RELN: variants seen among roughly 807,000 people sequenced by gnomAD.
RELN encodes the protein reelin.
Under a neutral mutation model 427.6 loss-of-function variants are expected in RELN, and 108 were observed. That is an observed-to-expected ratio of 0.25 (90% CI 0.22 to 0.30). The LOEUF (loss-of-function observed/expected upper bound fraction) is 0.30. Ranked by LOEUF, RELN falls within the 10% of genes least tolerant of loss-of-function variation. The pLI is 1.00. For missense variants in RELN, 3,715 were observed against 4,302.8 expected, an observed-to-expected ratio of 0.86 and a Z score of 3.82; for synonymous variants, 1,524 against 1,513.4, an observed-to-expected ratio of 1.01 and a Z score of -0.16.
At position 103,525,853 on chromosome 7, in the gene RELN, C is replaced by T. The variant is rs577858910; in HGVS notation, c.7350-2322G>A. On this transcript the variant is annotated intron_variant, in intron 46 of 64. Transcript: ENST00000428762. Reference sequence around the variant, plus strand: ...CTTACACATACTTCACCAAAGCCCTCGTCACCTTGTATTAAAAGTGCCTAT... The same window carrying T: ...CTTACACATACTTCACCAAAGCCCTTGTCACCTTGTATTAAAAGTGCCTAT... Among the ~76,000 whole-genome samples the T allele has an allele frequency of 7.2e-5, 11 of 152,264 alleles. No homozygotes were observed. The East Asian group carries it at 1.2e-3, about 16-fold the overall frequency.
chr7:103,874,802 A>G (rs1463571712), intron 2 of RELN, among the ~76,000 whole-genome samples: 5 of 150,138 alleles, frequency 3.3e-5, no homozygotes, highest in Non-Finnish European at 5.9e-5. Context: ...TTACAGATTC[A>G]ATGCCATCCC....
At chr7:103,741,643 G>A (rs1013518739) in intron 6 of RELN, among the ~76,000 whole-genome samples, 2 of 120,908 alleles carry the variant, frequency 1.7e-5, no homozygotes, top group Non-Finnish European at 3.6e-5. Context: ...AACGGGAGAG[G>A]AAGAGATGAA....
At chr7:103,494,541 ATTTTTTTTTTT>A (rs35989965) in intron 57 of RELN, among the ~76,000 whole-genome samples, 2 of 126,176 alleles carry the variant, frequency 1.6e-5, no homozygotes, top group African/African-American at 2.9e-5. Context: ...CGCCCAGCTA[ATTTTTTTTTTT>A]TTTTTTTTTT....
intron 12 of RELN, among the ~76,000 whole-genome samples, chr7:103,655,507 G>A (rs1833005553): frequency 6.6e-6 from 1 of 152,012 alleles, no homozygotes; most frequent in Non-Finnish European, 1.5e-5. Context: ...TAATGGCTGA[G>A]ACTTAGCATT....
Position 103,522,115 on chromosome 7 carries a change from A to T in RELN, c.7575T>A (p.Ala2525=), listed in dbSNP as rs756060377. 5.6e-6 allele frequency: 9 copies of T among 1,614,024 alleles called. No individual in the cohort carries two copies. The highest frequency in any genetic ancestry group is 7.6e-6 in the Non-Finnish European group (9 of 1,179,994). The change falls in exon 48 of 65, where the codon GCT becomes GCA. Residue 2525 remains alanine, a synonymous_variant. Coordinates refer to ENST00000428762, the MANE Select transcript of RELN (RefSeq NM_005045.4). ...CAGTCAGCCAGTTCTGACTGGATGG[A>T]GCTCGATTGAAGTTGTCTTTGAGTT... The part of the protein sequence containing the change: ...PTQLKDNFNR[A]PSSQNWLTVN...
intron 4 of RELN, among the ~76,000 whole-genome samples, chr7:103,766,431 A>G (rs944130091): frequency 6.6e-6 from 1 of 152,226 alleles, no homozygotes; most frequent in Non-Finnish European, 1.5e-5. Context: ...AAGACTTTGC[A>G]TTTCAGGGTA....
intron 6 of RELN, among the ~76,000 whole-genome samples, chr7:103,742,582 G>A (rs887962517): frequency 1.3e-5 from 2 of 152,214 alleles, no homozygotes; most frequent in Non-Finnish European, 2.9e-5. Flanking sequence ...GGAGCTGATG[G>A]AGCTGAAAAC....
At chr7:103,910,274 C>T (rs373327157) in intron 2 of RELN, among the ~76,000 whole-genome samples, 60 of 143,874 alleles carry the variant, frequency 4.2e-4, no homozygotes, top group East Asian at 3.3e-3. Context: ...TATCCTGAGA[C>T]TTTGCTGAAG....
At chr7:103,689,728 C>A (rs1317644262) in intron 10 of RELN, among the ~76,000 whole-genome samples, 2 of 152,172 alleles carry the variant, frequency 1.3e-5, no homozygotes, top group Non-Finnish European at 2.9e-5. Context: ...CTGCTCACAG[C>A]TCTTTCCAAA....
In RELN at chr7:103,661,441, C is replaced by T; in HGVS notation, c.1376G>A (p.Arg459Lys). The change falls in exon 12 of 65, where the codon AGG becomes AAG. Residue 459 changes from arginine (R) to lysine (K), a missense_variant. By Grantham distance (26) the Arg-to-Lys change is conservative. Transcript: ENST00000428762. Reference protein sequence around the residue: ...LSMVFLKDGERKLCTPSMDTT... With the variant: ...LSMVFLKDGEKKLCTPSMDTT... ...GTCCATGGATGGAGTGCATAATTTC[C>T]TCTCTCCATCTTTGAGGAAGACCAT... 6.2e-7 allele frequency: 1 copy of T among 1,613,516 alleles called. No individual in the cohort carries two copies. The highest frequency in any genetic ancestry group is 8.5e-7 in the Non-Finnish European group (1 of 1,179,588).
In RELN at chr7:103,743,318, G is replaced by A. The variant is rs1476254997; in HGVS notation, c.656+6108C>T. Among the ~76,000 whole-genome samples the A allele has an allele frequency of 9.9e-5, 15 of 152,144 alleles. 1 individual carries two copies. The highest frequency in any genetic ancestry group is 9.8e-4 in the Admixed American group (15 of 15,274). ...AGCCACTGCAAAAACATGCCAAATTGTAAAGAACATCAAGGCTAGGAAGAA... is the reference window on the plus strand; with the variant it reads ...AGCCACTGCAAAAACATGCCAAATTATAAAGAACATCAAGGCTAGGAAGAA... On this transcript the variant is annotated intron_variant, in intron 6 of 64. Coordinates refer to ENST00000428762, the MANE Select transcript of RELN (RefSeq NM_005045.4).
At chr7:103,977,706 C>T (rs1452393959) in intron 1 of RELN, among the ~76,000 whole-genome samples, 1 of 152,118 alleles carries the variant, frequency 6.6e-6, no homozygotes, top group Non-Finnish European at 1.5e-5. Flanking sequence ...CTCCTTGAGA[C>T]ACGAATCATT....
Position 103,554,152 on chromosome 7 carries a change from A to C in RELN, c.5798-321T>G, listed in dbSNP as rs142616783. On this transcript the variant is annotated intron_variant, in intron 38 of 64. Transcript: ENST00000428762. ...CAGTGAGCTGTGACCATGCCACTGCACTCCAGCCTGGGCAACAGAGCAAGA... is the reference window on the plus strand; with the variant it reads ...CAGTGAGCTGTGACCATGCCACTGCCCTCCAGCCTGGGCAACAGAGCAAGA... Among the ~76,000 whole-genome samples, 532 of 151,382 alleles carry C rather than the reference A, an allele frequency of 3.5e-3. 1 individual carries two copies. The highest frequency in any genetic ancestry group is 0.024 in the Middle Eastern group (7 of 294).
At chr7:103,899,227 C>T (rs953262162) in intron 2 of RELN, among the ~76,000 whole-genome samples, 8 of 152,004 alleles carry the variant, frequency 5.3e-5, no homozygotes, top group Non-Finnish European at 1.0e-4. Context: ...AAACACCCTC[C>T]CAAGACTAAA....
intron 3 of RELN, among the ~76,000 whole-genome samples, chr7:103,785,849 T>C (rs550100103): frequency 5.3e-5 from 8 of 151,980 alleles, no homozygotes; most frequent in South Asian, 4.1e-4. Context: ...TAGCACAGAA[T>C]TGAAAGGGAA....
chr7:103,496,959 G>A (rs1828860190), intron 55 of RELN, among the ~76,000 whole-genome samples, 191 bp from the exon 56 acceptor site: 1 of 152,100 alleles, frequency 6.6e-6, no homozygotes, highest in Non-Finnish European at 1.5e-5. Context: ...ATGATATGAG[G>A]GGAAGGATAT....
intron 56 of RELN, 62 bp downstream of exon 56, chr7:103,496,464 T>C: frequency 6.2e-7 from 1 of 1,606,246 alleles, no homozygotes; most frequent in African/African-American, 1.3e-5. Context: ...CTAATCTATC[T>C]GAAGACATAA....
chr7:103,917,565 T>A (rs1465147201), intron 1 of RELN, among the ~76,000 whole-genome samples: 13 of 150,776 alleles, frequency 8.6e-5, no homozygotes, highest in Non-Finnish European at 1.5e-4. Flanking sequence ...TTTTTTTTTT[T>A]AAGTCTTTCA....
chr7:103,951,676 C>CT (rs34437843), intron 1 of RELN, among the ~76,000 whole-genome samples: 81,997 of 147,766 alleles, frequency 0.55, 22,887 homozygotes, highest in African/African-American at 0.67. Context: ...CATTGCTAGC[C>CT]TTTTTTTTTT....
Sources: allele counts gnomAD v4.1 joint callset (sites outside exome capture counted in the v4.1 genomes callset), GRCh38; gene constraint gnomAD v4.1.1; transcripts MANE v1.5; gene names NCBI Gene and HGNC (gene_info 2026-07-23, HGNC 2026-07-21).